Variants in ELOVL6 observed in about 807,000 individuals in gnomAD.
ELOVL6 encodes the protein very long chain fatty acid elongase 6.
In ELOVL6, 8 loss-of-function variants were observed where a neutral mutation model predicts 31.7. The observed-to-expected ratio is 0.25, with a 90% CI of 0.15 to 0.45. The LOEUF is 0.45. Ranked by LOEUF, ELOVL6 falls within the 20% of genes least tolerant of loss-of-function variation. The pLI, the probability that ELOVL6 is intolerant of heterozygous loss-of-function variation, is 1.00. For synonymous variants in ELOVL6, 101 were observed against 117.7 expected, an observed-to-expected ratio of 0.86 and a Z score of 0.92; for missense variants, 126 against 326.4, an observed-to-expected ratio of 0.39 and a Z score of 4.73.
chr4:110,118,760 C>CGGT (rs1168441863), intron 1 of ELOVL6, among the ~76,000 whole-genome samples: 1 of 152,188 alleles, frequency 6.6e-6, no homozygotes, highest in East Asian at 1.9e-4. Flanking sequence ...TTTTCTATGA[C>CGGT]ATACACTTTA....
intron 2 of ELOVL6, among the ~76,000 whole-genome samples, chr4:110,061,114 T>C (rs1191251376): frequency 6.6e-6 from 1 of 152,188 alleles, no homozygotes; most frequent in Non-Finnish European, 1.5e-5. Context: ...TGCAGAGGAT[T>C]ACTGTCATTT....
In ELOVL6 at chr4:110,051,304, A is replaced by C. The variant is rs1449614712; in HGVS notation, c.*34T>G. The C allele has an allele frequency of 6.3e-7, 1 of 1,597,644 alleles. No individual in the cohort carries two copies. The highest frequency in any genetic ancestry group is 1.7e-5 in the Admixed American group (1 of 59,080). On this transcript the variant is annotated 3_prime_UTR_variant, in exon 4 of 4. Coordinates refer to ENST00000302274, the MANE Select transcript of ELOVL6 (RefSeq NM_024090.3). This position sits in a 1 kb window ranked among gnomAD's most constrained non-coding sequence, Gnocchi z 4.8. ...CTTTTGTCTATTATTTTTCTTGATG[A>C]CCCTGAGCTATGGCTTCCTCCTCAG...
At chr4:110,163,259 C>T (rs2126270045) in intron 1 of ELOVL6, among the ~76,000 whole-genome samples, 1 of 152,312 alleles carries the variant, frequency 6.6e-6, no homozygotes, top group Middle Eastern at 3.4e-3. Flanking sequence ...TTCTCATTTG[C>T]TACTAGGTCA....
intron 1 of ELOVL6, among the ~76,000 whole-genome samples, chr4:110,189,613 A>AAGAGAG (rs759305516): frequency 1.9e-5 from 2 of 105,186 alleles, no homozygotes; most frequent in Non-Finnish European, 1.9e-5. Context: ...AAAAAAAAAA[A>AAGAGAG]AGAGAGAGAG....
chr4:110,091,541 C>T (rs887708815), intron 2 of ELOVL6, among the ~76,000 whole-genome samples: 5 of 152,182 alleles, frequency 3.3e-5, no homozygotes, highest in African/African-American at 9.6e-5. Flanking sequence ...TAAAGCTGAA[C>T]GCCTTCAGAG....
chr4:110,055,234 T>C (rs1754947990), intron 3 of ELOVL6, among the ~76,000 whole-genome samples: 1 of 152,146 alleles, frequency 6.6e-6, no homozygotes, highest in Non-Finnish European at 1.5e-5. Flanking sequence ...TGAGCCAGAG[T>C]CATGCCAAGT....
At chr4:110,166,948 A>G (rs1758796806) in intron 1 of ELOVL6, among the ~76,000 whole-genome samples, 1 of 152,194 alleles carries the variant, frequency 6.6e-6, no homozygotes, top group African/African-American at 2.4e-5. Flanking sequence ...CTGCCTTCCT[A>G]AACAGACTGT....
At chr4:110,193,596 C>T (rs189312455) in intron 1 of ELOVL6, among the ~76,000 whole-genome samples, 1 of 151,928 alleles carries the variant, frequency 6.6e-6, no homozygotes, top group African/African-American at 2.4e-5. Flanking sequence ...AGAGTGAGAC[C>T]CTGTCTCAAA....
chr4:110,182,502 TC>T (rs1160249230), intron 1 of ELOVL6, among the ~76,000 whole-genome samples: 1 of 152,244 alleles, frequency 6.6e-6, no homozygotes, highest in Non-Finnish European at 1.5e-5. Flanking sequence ...ATGAAACTTA[TC>T]TTAAAACATT....
At chr4:110,063,303 A>G (rs1755199266) in intron 2 of ELOVL6, among the ~76,000 whole-genome samples, 1 of 152,140 alleles carries the variant, frequency 6.6e-6, no homozygotes, top group Admixed American at 6.5e-5. Flanking sequence ...AGTACTTCTC[A>G]GGTTTCCGGA....
rs371125433 is a variant in ELOVL6 at position 110,135,846 on chromosome 4, G to T, written c.90-30218C>A. Among the ~76,000 whole-genome samples the T allele has an allele frequency of 9.2e-5, 14 of 152,310 alleles. No individual in the cohort carries two copies. The South Asian group carries it at 2.3e-3, about 25-fold the overall frequency. ...GGTCAAAATAAAAAATTCTAGAAGAGAGAAGACTGATCACAATTTAATGTA... is the reference window on the plus strand; with the variant it reads ...GGTCAAAATAAAAAATTCTAGAAGATAGAAGACTGATCACAATTTAATGTA... On this transcript the variant is annotated intron_variant, in intron 1 of 3. Coordinates refer to ENST00000302274, the MANE Select transcript of ELOVL6 (RefSeq NM_024090.3).
chr4:110,175,297 C>T (rs1301941262), intron 1 of ELOVL6, among the ~76,000 whole-genome samples: 2 of 151,918 alleles, frequency 1.3e-5, no homozygotes, highest in Non-Finnish European at 2.9e-5. Context: ...ACATGAAAAT[C>T]GCTTGACCCC....
chr4:110,174,377 G>C (rs1759039363), intron 1 of ELOVL6, among the ~76,000 whole-genome samples: 1 of 152,068 alleles, frequency 6.6e-6, no homozygotes, highest in Non-Finnish European at 1.5e-5. Flanking sequence ...TGTTGGCCAG[G>C]CTGGTCTTGA....
intron 3 of ELOVL6, among the ~76,000 whole-genome samples, chr4:110,055,349 G>A (rs1012415483): frequency 6.6e-6 from 1 of 152,112 alleles, no homozygotes. Context: ...TTGTTCAAAT[G>A]TCCTGTTGGC....
At chr4:110,144,050 A>C (rs1464909261) in intron 1 of ELOVL6, among the ~76,000 whole-genome samples, 1 of 91,466 alleles carries the variant, frequency 1.1e-5, no homozygotes, top group African/African-American at 4.6e-5. Flanking sequence ...GCGAAACTCC[A>C]TCTCAAAAAA....
intron 1 of ELOVL6, among the ~76,000 whole-genome samples, chr4:110,174,256 G>GC (rs1198547859): frequency 6.8e-6 from 1 of 146,596 alleles, no homozygotes; most frequent in East Asian, 2.1e-4. Flanking sequence ...CTCCACCTCC[G>GC]CAACTCAAGA....
chr4:110,078,357 C>T (rs953363812), intron 2 of ELOVL6, among the ~76,000 whole-genome samples: 2 of 152,150 alleles, frequency 1.3e-5, no homozygotes, highest in Admixed American at 6.5e-5. Flanking sequence ...GGGTTATCCA[C>T]GAAGGGAAGC....
intron 1 of ELOVL6, among the ~76,000 whole-genome samples, chr4:110,139,719 C>G (rs1325568477): frequency 6.6e-6 from 1 of 152,152 alleles, no homozygotes; most frequent in Non-Finnish European, 1.5e-5. Context: ...CCCTGCCTCC[C>G]CTTTCCCAAG....
intron 2 of ELOVL6, among the ~76,000 whole-genome samples, chr4:110,064,360 AG>A (rs1755237868): frequency 8.4e-6 from 1 of 118,348 alleles, no homozygotes; most frequent in Admixed American, 8.6e-5. Flanking sequence ...ATGGGATGTC[AG>A]GAGGGGGCCA....
Sources: allele counts gnomAD v4.1 joint callset (sites outside exome capture counted in the v4.1 genomes callset), GRCh38; gene constraint gnomAD v4.1.1; non-coding constraint Gnocchi (gnomAD v3.1); transcripts MANE v1.5; gene names NCBI Gene and HGNC (gene_info 2026-07-23, HGNC 2026-07-21).